The following SOS1 variants were observed in gnomAD, a reference collection of about 807,000 sequenced individuals.
SOS1 encodes the protein son of sevenless homolog 1.
In SOS1, 25 loss-of-function variants were observed where a neutral mutation model predicts 157.6. The ratio of observed to expected loss-of-function variants is 0.16; its 90% CI spans 0.12 to 0.22. The LOEUF is 0.22. Among genes scored for constraint, SOS1 ranks in the 10% least tolerant of loss-of-function variants. The pLI is 1.00. For missense variants in SOS1, 1,237 were observed against 1,599.1 expected (o/e 0.77, Z 3.86); for synonymous variants, 528 against 534.0 (o/e 0.99, Z 0.16).
chr2:39,074,265 G>A (rs1332216049), intron 1 of SOS1, among the ~76,000 whole-genome samples: 3 of 151,306 alleles, frequency 2.0e-5, no homozygotes, highest in East Asian at 2.0e-4. Flanking sequence ...CAGGAGAATC[G>A]CTTGAACCCG....
intron 8 of SOS1, among the ~76,000 whole-genome samples, chr2:39,024,479 C>T (rs1305656188): frequency 2.0e-5 from 3 of 149,764 alleles, no homozygotes; most frequent in African/African-American, 7.4e-5. Context: ...AGCATGTAGA[C>T]GAGGTTTTTT....
At chr2:39,085,704 C>A (rs940404755) in intron 1 of SOS1, among the ~76,000 whole-genome samples, 21 of 152,188 alleles carry the variant, frequency 1.4e-4, no homozygotes, top group Admixed American at 6.5e-4. Context: ...TAGAAACCAT[C>A]ATTTGTAGAC....
At chr2:39,009,102 G>A (rs1263471411) in intron 15 of SOS1, among the ~76,000 whole-genome samples, 1 of 152,002 alleles carries the variant, frequency 6.6e-6, no homozygotes, top group African/African-American at 2.4e-5. Context: ...GAAAAAGAAG[G>A]AAAGGAAGGT....
chr2:39,086,953 C>G (rs1672398104), intron 1 of SOS1, among the ~76,000 whole-genome samples: 1 of 152,040 alleles, frequency 6.6e-6, no homozygotes, highest in Non-Finnish European at 1.5e-5. Context: ...GCTGGGATTA[C>G]AGGCGCCCAC....
Position 39,014,835 on chromosome 2 carries a change from C to T in SOS1, c.1870G>A (p.Val624Ile). ...CTGTATGTTGTAAGAAATGTCCGAA[C>T]AAAATTGGGATCTAAGAAGAAAAAG... ...TYHMYADPNF[V>I]RTFLTTYRSF... Residue 624 changes from valine to isoleucine, a missense_variant, in exon 11 of 23, where the codon GTT becomes ATT. By Grantham distance (29) the Val-to-Ile change is conservative. Transcript: ENST00000402219. The T allele has an allele frequency of 6.3e-7, 1 of 1,588,848 alleles. No homozygotes were observed. Among genetic ancestry groups the T allele is most frequent in the Non-Finnish European group, 8.6e-7 (1 of 1,157,752 alleles).
chr2:39,049,567 G>A (rs1215024408), intron 6 of SOS1, among the ~76,000 whole-genome samples: 1 of 151,948 alleles, frequency 6.6e-6, no homozygotes, highest in African/African-American at 2.4e-5. Flanking sequence ...ATAAATTCAT[G>A]TTGTAATTGT....
intron 8 of SOS1, among the ~76,000 whole-genome samples, chr2:39,033,287 ACTG>A (rs1670232498): frequency 6.6e-6 from 1 of 151,652 alleles, no homozygotes; most frequent in South Asian, 2.1e-4. Context: ...TGCCCAATAT[ACTG>A]CTAACTTTGC....
Position 38,982,687 on chromosome 2 carries a change from A to G in SOS1, c.*3137T>C, listed in dbSNP as rs559163524. On this transcript the variant is annotated 3_prime_UTR_variant, in exon 23 of 23. Coordinates refer to ENST00000402219, the MANE Select transcript of SOS1 (RefSeq NM_005633.4). ...ACTAATAAATTGGGACACTCCTCCT[A>G]TTTTGCTGAGTCACTTAAAAATCTG... is the stretch of plus-strand genomic sequence containing the variant. The G allele has an allele frequency of 6.6e-6, 1 of 152,280 alleles. No individual in the cohort carries two copies. The highest frequency in any genetic ancestry group is 1.9e-4 in the East Asian group (1 of 5,188). The allele number at this position is 152,280 out of a possible 1,614,324, so 9.4% of individuals were successfully genotyped here. A position where few individuals can be genotyped will look rare whatever the true frequency, so the allele number is the denominator to read the frequency against.
intron 21 of SOS1, among the ~76,000 whole-genome samples, chr2:38,988,603 C>T (rs528864107): frequency 2.6e-5 from 4 of 152,092 alleles, no homozygotes; most frequent in African/African-American, 7.2e-5. Context: ...ACATTTTGAT[C>T]ACCTACCTTT....
At chr2:39,044,774 G>C (rs1435738878) in intron 6 of SOS1, among the ~76,000 whole-genome samples, 1 of 152,198 alleles carries the variant, frequency 6.6e-6, no homozygotes, top group East Asian at 1.9e-4. Flanking sequence ...ACTTAAGCGT[G>C]TGTGGATTTG....
At chr2:39,013,339 T>A (rs1669528025) in intron 13 of SOS1, 121 bp downstream of exon 13, 1 of 713,434 alleles carries the variant, frequency 1.4e-6, no homozygotes, top group Middle Eastern at 3.8e-4. Flanking sequence ...CTTTTTGAAA[T>A]GGTTATGCTG....
At chr2:39,016,178 T>C (rs1669623320) in intron 10 of SOS1, among the ~76,000 whole-genome samples, 1 of 152,074 alleles carries the variant, frequency 6.6e-6, no homozygotes. Context: ...TCTATTGATA[T>C]GTGGTCATCG....
rs1021449471 is a variant in SOS1 at position 39,024,005 on chromosome 2, T to C, written c.1202+5A>G. The C allele has an allele frequency of 8.8e-6, 14 of 1,590,442 alleles. No homozygotes were observed. The highest frequency in any genetic ancestry group is 5.4e-5 in the African/African-American group (4 of 74,412). On this transcript the variant is annotated splice_donor_5th_base_variant and intron_variant, in intron 9 of 22. Coordinates refer to ENST00000402219, the MANE Select transcript of SOS1 (RefSeq NM_005633.4). ...AAGGATATTTTAAAAAGTAAAAATA[T>C]TCACCTCAGTCTTCGTTTTGCAAGA...
At chr2:39,076,137 T>G (rs2148158558) in intron 1 of SOS1, among the ~76,000 whole-genome samples, 1 of 152,244 alleles carries the variant, frequency 6.6e-6, no homozygotes, top group African/African-American at 2.4e-5. Flanking sequence ...TGGCCGGGTG[T>G]GATGGCTCAT....
Position 38,985,847 on chromosome 2 carries a change from A to G in SOS1, c.3979T>C (p.Leu1327=). The change falls in exon 23 of 23, where the codon TTG becomes CTG. Residue 1327 remains leucine (L), a synonymous_variant. Coordinates refer to ENST00000402219, the MANE Select transcript of SOS1 (RefSeq NM_005633.4). ...PSMHRDGPPL[L]ENAHSS Reference sequence around the variant, plus strand: ...ACTCAGGAAGAATGGGCATTCTCCAACAGTGGTGGTCCATCTCTGTGCATG... The same window carrying G: ...ACTCAGGAAGAATGGGCATTCTCCAGCAGTGGTGGTCCATCTCTGTGCATG... 1.2e-6 allele frequency: 2 copies of G among 1,613,826 alleles called. No homozygotes were observed. The highest frequency in any genetic ancestry group is 8.5e-7 in the Non-Finnish European group (1 of 1,179,820).
rs1332476007 is a variant in SOS1 at position 38,997,787 on chromosome 2, C to T, written c.2792-362G>A. On this transcript the variant is annotated intron_variant, in intron 17 of 22. Transcript: ENST00000402219. Reference sequence around the variant, plus strand: ...AGGAAGAATAATCAATTTTCCATACCCCCTCCAAGCCATTGTTATTTGATA... The same window carrying T: ...AGGAAGAATAATCAATTTTCCATACTCCCTCCAAGCCATTGTTATTTGATA... Among the ~76,000 whole-genome samples the T allele has an allele frequency of 2.0e-5, 3 of 151,222 alleles. No homozygotes were observed. In the East Asian group the frequency reaches 5.8e-4, roughly 29 times the overall value.
chr2:39,122,456 A>G (rs1025245004), upstream of SOS1, among the ~76,000 whole-genome samples: 295 of 141,928 alleles, frequency 2.1e-3, 3 homozygotes, highest in African/African-American at 7.5e-3. Context: ...ATACACACAC[A>G]CACACACACA....
intron 6 of SOS1, among the ~76,000 whole-genome samples, chr2:39,048,622 G>C (rs368631557): frequency 6.6e-6 from 1 of 151,728 alleles, no homozygotes; most frequent in Non-Finnish European, 1.5e-5. Context: ...GGCTGGTCTC[G>C]AACTCCTGAC....
intron 1 of SOS1, among the ~76,000 whole-genome samples, chr2:39,075,835 G>A (rs1385909288): frequency 1.3e-5 from 2 of 152,086 alleles, no homozygotes; most frequent in African/African-American, 4.8e-5. Flanking sequence ...TTCAAATCAA[G>A]CTTTGAACAT....
Sources: allele counts gnomAD v4.1 joint callset (sites outside exome capture counted in the v4.1 genomes callset), GRCh38; gene constraint gnomAD v4.1.1; transcripts MANE v1.5; gene names NCBI Gene and HGNC (gene_info 2026-07-23, HGNC 2026-07-21).